Variants in ARHGAP24 observed in about 807,000 individuals in gnomAD.
ARHGAP24 encodes Rho GTPase activating protein 24, also known as rho GTPase-activating protein 24.
ARHGAP24 carries 50 observed loss-of-function variants against 76.4 expected under a neutral mutation model. That is an observed-to-expected ratio of 0.65 (90% CI 0.52 to 0.83). The LOEUF (loss-of-function observed/expected upper bound fraction) is 0.83, where lower values mean the gene tolerates loss of function less well. Ranked by LOEUF, ARHGAP24 falls within the 40% of genes least tolerant of loss-of-function variation. ARHGAP24 has a pLI of 0.00. For missense variants in ARHGAP24, 930 were observed against 914.2 expected, an observed-to-expected ratio of 1.02 and a Z score of -0.22; for synonymous variants, 345 against 323.3, an observed-to-expected ratio of 1.07 and a Z score of -0.72.
chr4:85,644,127 T>C (rs532588363), intron 2 of ARHGAP24, among the ~76,000 whole-genome samples: 10 of 152,324 alleles, frequency 6.6e-5, no homozygotes, highest in Admixed American at 2.0e-4. Context: ...GGCAAGTGAC[T>C]TAAACTTTGC....
In ARHGAP24 at chr4:85,946,732, C is replaced by G. The variant is rs1737290588; in HGVS notation, c.599+4459C>G. On this transcript the variant is annotated intron_variant, in intron 5 of 9. Transcript: ENST00000395184. ...ACTTTTGCTTTACCCAGTCCACCATCGATGGCCACTTGGGTTGATTTCATG... is the reference window on the plus strand; with the variant it reads ...ACTTTTGCTTTACCCAGTCCACCATGGATGGCCACTTGGGTTGATTTCATG... Among the ~76,000 whole-genome samples the G allele has an allele frequency of 2.0e-5, 3 of 152,098 alleles. No homozygotes were observed. The South Asian group carries it at 6.3e-4, about 32-fold the overall frequency.
At chr4:85,759,538 G>C (rs982030070) in intron 3 of ARHGAP24, among the ~76,000 whole-genome samples, 2 of 152,082 alleles carry the variant, frequency 1.3e-5, no homozygotes, top group Admixed American at 1.3e-4. Context: ...TAGGGGGGTG[G>C]GTTGAAACTT....
intron 2 of ARHGAP24, among the ~76,000 whole-genome samples, chr4:85,626,835 A>G (rs1370505234): frequency 6.6e-6 from 1 of 152,048 alleles, no homozygotes; most frequent in Non-Finnish European, 1.5e-5. Flanking sequence ...TTTGTCTTCC[A>G]TCACTGATAC....
chr4:85,603,125 T>C (rs1720085839), intron 2 of ARHGAP24, among the ~76,000 whole-genome samples: 1 of 152,232 alleles, frequency 6.6e-6, no homozygotes. Context: ...AATAAATATG[T>C]TTCATTTTTA....
At chr4:85,972,548 A>T (rs1280890703) in intron 6 of ARHGAP24, among the ~76,000 whole-genome samples, 1 of 152,140 alleles carries the variant, frequency 6.6e-6, no homozygotes, top group Non-Finnish European at 1.5e-5. Context: ...ACCTACTGCT[A>T]TTTCTTTAAA....
intron 2 of ARHGAP24, among the ~76,000 whole-genome samples, chr4:85,582,242 C>T (rs1391964365): frequency 1.3e-5 from 2 of 151,962 alleles, no homozygotes; most frequent in African/African-American, 4.8e-5. Flanking sequence ...CTATCTTAGC[C>T]TGAATTTTGA....
At chr4:85,522,416 C>G (rs548876532) in intron 1 of ARHGAP24, among the ~76,000 whole-genome samples, 1 of 152,250 alleles carries the variant, frequency 6.6e-6, no homozygotes, top group Non-Finnish European at 1.5e-5. Flanking sequence ...TCATAACATA[C>G]TCTCCACACA....
intron 1 of ARHGAP24, among the ~76,000 whole-genome samples, chr4:85,493,034 C>T (rs961311917): frequency 1.1e-4 from 16 of 152,198 alleles, no homozygotes; most frequent in Admixed American, 9.2e-4. Flanking sequence ...GAATGTCTCT[C>T]ACTTTGTGTT....
chr4:85,785,718 CCTTT>C (rs1727806820), intron 3 of ARHGAP24, among the ~76,000 whole-genome samples: 1 of 152,074 alleles, frequency 6.6e-6, no homozygotes, highest in East Asian at 1.9e-4. Context: ...AGAATACTGT[CCTTT>C]CTTTCAATTT....
At chr4:85,476,980 G>A (rs1414724399) in intron 1 of ARHGAP24, among the ~76,000 whole-genome samples, 1 of 152,128 alleles carries the variant, frequency 6.6e-6, no homozygotes, top group Non-Finnish European at 1.5e-5. Context: ...TCTCTCTAGA[G>A]CCATTACTTA....
chr4:85,774,441 T>C (rs544999066), intron 3 of ARHGAP24, among the ~76,000 whole-genome samples: 2 of 152,336 alleles, frequency 1.3e-5, no homozygotes, highest in Admixed American at 6.5e-5. Context: ...TCGCAAGAGT[T>C]GGCAGGTGAG....
At chr4:85,762,407 G>T (rs11732231) in intron 3 of ARHGAP24, among the ~76,000 whole-genome samples, 133 of 152,070 alleles carry the variant, frequency 8.7e-4, no homozygotes, top group Non-Finnish European at 1.5e-3. Context: ...ATCCAGGAGA[G>T]GGAAAACACA....
chr4:85,569,538 T>C (rs1726991124), intron 1 of ARHGAP24, among the ~76,000 whole-genome samples: 1 of 152,206 alleles, frequency 6.6e-6, no homozygotes, highest in Non-Finnish European at 1.5e-5. Flanking sequence ...CTTGCTTATG[T>C]ATAGGTAGTA....
In ARHGAP24 at chr4:85,823,038, A is replaced by G. The variant is rs115472181; in HGVS notation, c.269-100610A>G. 4.0e-3 allele frequency among the ~76,000 whole-genome samples: 607 copies of G among 152,326 alleles called. 7 individuals carry two copies. The highest frequency in any genetic ancestry group is 0.013 in the African/African-American group (532 of 41,576). The stretch of plus-strand genomic sequence containing the variant: ...TAAGCATGACAAATTAACTTTGTCA[A>G]AAAAACTTCAAAAATGATCTCTTTA... On this transcript the variant is annotated intron_variant, in intron 3 of 9. Coordinates refer to ENST00000395184, the MANE Select transcript of ARHGAP24 (RefSeq NM_001025616.3).
chr4:85,899,751 T>G (rs1371110357), intron 3 of ARHGAP24, among the ~76,000 whole-genome samples: 1 of 152,202 alleles, frequency 6.6e-6, no homozygotes, highest in Non-Finnish European at 1.5e-5. Flanking sequence ...TGTAATAGCA[T>G]TTAAAAGTAA....
At chr4:85,541,142 CTTTTTTTTTTT>C (rs70948733) in intron 1 of ARHGAP24, among the ~76,000 whole-genome samples, 12 of 49,772 alleles carry the variant, frequency 2.4e-4, no homozygotes, top group South Asian at 2.7e-3. Flanking sequence ...CATCCATGAC[CTTTTTTTTTTT>C]TTTTTTTTTT....
intron 1 of ARHGAP24, among the ~76,000 whole-genome samples, chr4:85,539,172 C>T (rs1189113048): frequency 6.6e-6 from 1 of 152,052 alleles, no homozygotes; most frequent in African/African-American, 2.4e-5. Context: ...AGCAAAGCTA[C>T]AAACACAAAG....
chr4:85,597,261 T>C (rs368806745), intron 2 of ARHGAP24, among the ~76,000 whole-genome samples: 1 of 152,114 alleles, frequency 6.6e-6, no homozygotes, highest in Non-Finnish European at 1.5e-5. Flanking sequence ...AATTTATTGA[T>C]TTTGCTTTCT....
chr4:85,795,554 T>A (rs1728309267), intron 3 of ARHGAP24, among the ~76,000 whole-genome samples: 1 of 152,060 alleles, frequency 6.6e-6, no homozygotes, highest in African/African-American at 2.4e-5. Flanking sequence ...ATTATGGGGG[T>A]CCTTCTTGTA....
Sources: gnomAD v4.1 joint callset for allele counts (sites outside exome capture counted in the v4.1 genomes callset) on GRCh38, gnomAD v4.1.1 for gene constraint, MANE v1.5 for transcripts, NCBI Gene and HGNC (gene_info 2026-07-23, HGNC 2026-07-21) for gene names.